PITPNB: variants seen among roughly 807,000 people sequenced by gnomAD.
PITPNB encodes the protein phosphatidylinositol transfer protein beta isoform.
Under a neutral mutation model 45.9 loss-of-function variants are expected in PITPNB, and 16 were observed. The ratio of observed to expected loss-of-function variants is 0.35; its 90% CI spans 0.24 to 0.53. PITPNB has a LOEUF of 0.53. PITPNB is among the 20% of genes least tolerant of loss of function. The pLI, the probability that PITPNB is intolerant of heterozygous loss-of-function variation, is 0.93. For missense variants in PITPNB, 188 were observed against 330.5 expected (o/e 0.57, Z 3.34); for synonymous variants, 112 against 108.9 (o/e 1.03, Z -0.18).
chr22:27,858,477 G>T lies in PITPNB; in HGVS notation c.678C>A (p.Arg226=). 6.2e-7 allele frequency: 1 copy of T among 1,611,146 alleles called. No individual in the cohort carries two copies. Residue 226 remains arginine, a synonymous_variant, in exon 10 of 12, where the codon CGC becomes CGA. Coordinates refer to ENST00000335272, the MANE Select transcript of PITPNB (RefSeq NM_012399.5). ...QEKRIFTNFH[R]QLFCWIDKWI... is the part of the protein sequence containing the mutation. ...ACTTGTCAATCCAACAAAAAAGCTGGCGATGGAAGTTTGTAAATATCCGTT... is the reference window on the plus strand; with the variant it reads ...ACTTGTCAATCCAACAAAAAAGCTGTCGATGGAAGTTTGTAAATATCCGTT...
At chr22:27,854,046 T>C (rs1357077680) in intron 11 of PITPNB, among the ~76,000 whole-genome samples, 4 of 152,068 alleles carry the variant, frequency 2.6e-5, no homozygotes, top group Non-Finnish European at 4.4e-5. Context: ...GAACATTTCA[T>C]TCATCCCAAT....
At chr22:27,897,744 G>T in intron 4 of PITPNB, 57 bp downstream of exon 4, 1 of 1,105,826 alleles carries the variant, frequency 9.0e-7, no homozygotes, top group Non-Finnish European at 1.4e-6. Context: ...CTGGTACTGG[G>T]AATCCCTCTC....
intron 11 of PITPNB, 80 bp downstream of exon 11, chr22:27,854,773 AG>A: frequency 1.5e-6 from 1 of 687,402 alleles, no homozygotes; most frequent in South Asian, 1.9e-5. Flanking sequence ...TAACACTTAG[AG>A]CTTCTGCTCA....
chr22:27,870,140 C>T (rs1433746800), intron 8 of PITPNB, among the ~76,000 whole-genome samples: 4 of 152,146 alleles, frequency 2.6e-5, no homozygotes, highest in Non-Finnish European at 5.9e-5. Context: ...ATCAGGTGTT[C>T]CAGAAATGGC....
intron 2 of PITPNB, among the ~76,000 whole-genome samples, chr22:27,912,365 C>T (rs1476756898): frequency 6.6e-6 from 1 of 152,186 alleles, no homozygotes; most frequent in Non-Finnish European, 1.5e-5. Context: ...GGCCTGCAGA[C>T]AGGACTGCAT....
chr22:27,911,012 T>G lies in PITPNB; in HGVS notation c.149A>C (p.Lys50Thr), dbSNP rs199919867. 4.3e-6 allele frequency: 7 copies of G among 1,612,254 alleles called. No individual in the cohort carries two copies. In the East Asian group the frequency reaches 1.6e-4, roughly 36 times the overall value. ...CGTATACTGTCCCTTTTCTCCATCC[T>G]TCTCATAAGGTTCATTCTTTAAGAC... ...IEVLKNEPYE[K>T]DGEKGQYTHK... Residue 50 changes from lysine to threonine, a missense_variant, in exon 3 of 12, where the codon AAG (lysine) becomes ACG (threonine). Transcript: ENST00000335272.
At chr22:27,915,503 A>G (rs1936050756) in intron 1 of PITPNB, among the ~76,000 whole-genome samples, 1 of 149,336 alleles carries the variant, frequency 6.7e-6, no homozygotes, top group African/African-American at 2.5e-5. Flanking sequence ...CTTTCTCCCT[A>G]CTCTCCTCAA....
At chr22:27,860,311 G>A in intron 8 of PITPNB, 70 bp from the exon 9 acceptor site, 1 of 870,270 alleles carries the variant, frequency 1.1e-6, no homozygotes, top group Non-Finnish European at 1.8e-6. Context: ...ATTGACTGTT[G>A]TATAACGACA....
intron 7 of PITPNB, among the ~76,000 whole-genome samples, chr22:27,875,233 G>A (rs192229129): frequency 2.6e-5 from 4 of 152,238 alleles, no homozygotes; most frequent in African/African-American, 9.6e-5. Flanking sequence ...TAAGCTCAAA[G>A]TATTAAACAG....
chr22:27,888,578 C>T (rs1395184410), intron 7 of PITPNB, among the ~76,000 whole-genome samples: 1 of 152,158 alleles, frequency 6.6e-6, no homozygotes, highest in African/African-American at 2.4e-5. Flanking sequence ...GTTCATCTGA[C>T]CGATATTTAT....
intron 4 of PITPNB, 149 bp downstream of exon 4, chr22:27,897,652 G>A (rs1935474019): frequency 1.3e-5 from 8 of 637,298 alleles, no homozygotes; most frequent in Non-Finnish European, 5.6e-6. Flanking sequence ...ACCCAATGCA[G>A]CCCTTCCTCT....
chr22:27,863,015 T>G (rs1426783265), intron 8 of PITPNB, among the ~76,000 whole-genome samples: 1 of 152,232 alleles, frequency 6.6e-6, no homozygotes, highest in East Asian at 1.9e-4. Context: ...ACAACAAAGT[T>G]GGTCTTTCAC....
At chr22:27,897,734 C>G in intron 4 of PITPNB, 67 bp downstream of exon 4, 1 of 1,019,238 alleles carries the variant, frequency 9.8e-7, no homozygotes, top group Non-Finnish European at 1.6e-6. Flanking sequence ...CTCAAAGACA[C>G]TGGTACTGGG....
chr22:27,861,458 G>C (rs1038453239), intron 8 of PITPNB, among the ~76,000 whole-genome samples: 4 of 152,130 alleles, frequency 2.6e-5, no homozygotes, highest in African/African-American at 9.7e-5. Flanking sequence ...GGAGTGAGTG[G>C]GTGTGAACCA....
chr22:27,895,356 G>A (rs1165534950), intron 6 of PITPNB, among the ~76,000 whole-genome samples: 1 of 152,172 alleles, frequency 6.6e-6, no homozygotes, highest in Non-Finnish European at 1.5e-5. Flanking sequence ...TTGGGAGGCT[G>A]AGGCAGGCAG....
intron 8 of PITPNB, among the ~76,000 whole-genome samples, chr22:27,868,332 T>C (rs1395059815): frequency 6.6e-6 from 1 of 152,196 alleles, no homozygotes. Flanking sequence ...TTTCAACTTC[T>C]CCCTCATCAC....
intron 8 of PITPNB, among the ~76,000 whole-genome samples, chr22:27,869,241 C>T (rs918633374): frequency 6.6e-6 from 1 of 152,058 alleles, no homozygotes; most frequent in Non-Finnish European, 1.5e-5. Context: ...AGTGCCGAAC[C>T]CTAAGTAACA....
In PITPNB at chr22:27,851,959, CTT is replaced by C. The variant is rs1401293483; in HGVS notation, c.*1741_*1742del. ...GCAATAATCTTCCTCGCACCAAACA[CTT>C]TGCAGACAATGATTATGCTCTGACA... On this transcript the variant is annotated 3_prime_UTR_variant, in exon 12 of 12. Coordinates refer to ENST00000335272, the MANE Select transcript of PITPNB (RefSeq NM_012399.5). The C allele has an allele frequency of 1.3e-5, 2 of 152,222 alleles. No homozygotes were observed. The highest frequency in any genetic ancestry group is 2.9e-5 in the Non-Finnish European group (2 of 68,040). 9.4% of individuals were successfully genotyped at this position (152,222 alleles called of 1,614,324 possible).
chr22:27,889,840 T>G (rs942667448), intron 7 of PITPNB, among the ~76,000 whole-genome samples: 1 of 152,228 alleles, frequency 6.6e-6, no homozygotes, highest in Non-Finnish European at 1.5e-5. Flanking sequence ...AGCAAAGGTG[T>G]TGTGCCTTTT....
Sources: gnomAD v4.1 joint callset for allele counts (sites outside exome capture counted in the v4.1 genomes callset) on GRCh38, gnomAD v4.1.1 for gene constraint, MANE v1.5 for transcripts, NCBI Gene and HGNC (gene_info 2026-07-23, HGNC 2026-07-21) for gene names.